The following GRM8 variants were observed in gnomAD, a reference collection of about 807,000 sequenced individuals.
GRM8 encodes the protein glutamate metabotropic receptor 8, also known as metabotropic glutamate receptor 8.
In GRM8, 47 loss-of-function variants were observed where a neutral mutation model predicts 87.2. The observed-to-expected ratio is 0.54, with a 90% confidence interval of 0.43 to 0.69. The LOEUF (loss-of-function observed/expected upper bound fraction) is 0.69. Ranked by LOEUF, GRM8 falls within the 30% of genes least tolerant of loss-of-function variation. The pLI is 0.00. For missense variants in GRM8, 1,019 were observed against 1,139.2 expected (o/e 0.89, Z 1.52); for synonymous variants, 396 against 404.5 (o/e 0.98, Z 0.25).
intron 2 of GRM8, among the ~76,000 whole-genome samples, chr7:127,190,634 G>A (rs890997834): frequency 2.6e-5 from 4 of 151,892 alleles, no homozygotes; most frequent in African/African-American, 9.7e-5. Flanking sequence ...GGAGAATTAA[G>A]ACCAGTGATG....
chr7:126,534,350 G>A (rs1815342393), intron 8 of GRM8, among the ~76,000 whole-genome samples: 1 of 152,164 alleles, frequency 6.6e-6, no homozygotes, highest in South Asian at 2.1e-4. Context: ...AAATCACACT[G>A]CATCAATTTT....
intron 3 of GRM8, among the ~76,000 whole-genome samples, chr7:126,940,221 A>G (rs1397365809): frequency 1.3e-5 from 2 of 152,198 alleles, no homozygotes; most frequent in Non-Finnish European, 2.9e-5. Context: ...GGCAGAAGCT[A>G]TTTAGCATGG....
chr7:127,035,822 T>C (rs1047073567), intron 3 of GRM8, among the ~76,000 whole-genome samples: 1 of 152,180 alleles, frequency 6.6e-6, no homozygotes, highest in Non-Finnish European at 1.5e-5. Context: ...ATCCCCATAC[T>C]GCTTCCCTCT....
At chr7:126,755,158 G>C (rs1030267407) in intron 7 of GRM8, among the ~76,000 whole-genome samples, 1 of 151,992 alleles carries the variant, frequency 6.6e-6, no homozygotes, top group Non-Finnish European at 1.5e-5. Flanking sequence ...AACAATATCT[G>C]ATAGTTTGTG....
intron 2 of GRM8, among the ~76,000 whole-genome samples, chr7:127,161,616 A>G (rs1256652912): frequency 6.6e-6 from 1 of 151,614 alleles, no homozygotes; most frequent in African/African-American, 2.4e-5. Flanking sequence ...CAAAAGACTT[A>G]TTCCAAACAT....
At chr7:126,446,437 C>CCA in intron 9 of GRM8, 65 bp from the exon 10 acceptor site, 1 of 1,085,520 alleles carries the variant, frequency 9.2e-7, no homozygotes, top group African/African-American at 1.6e-5. Context: ...AAGCAAATAA[C>CCA]ATACTATTTT....
intron 9 of GRM8, among the ~76,000 whole-genome samples, chr7:126,461,650 G>A (rs896885163): frequency 9.3e-5 from 14 of 151,326 alleles, no homozygotes; most frequent in South Asian, 4.2e-4. Flanking sequence ...CCTTGTTCCC[G>A]TATCTGCCAT....
intron 7 of GRM8, among the ~76,000 whole-genome samples, chr7:126,723,925 A>AGGCAGCACCTATGCATATGATAT (rs1812696164): frequency 6.6e-6 from 1 of 152,172 alleles, no homozygotes; most frequent in South Asian, 2.1e-4. Flanking sequence ...ATTTTAGTAA[A>AGGCAGCACCTATGCATATGATAT]GGCAGCACCT....
intron 8 of GRM8, among the ~76,000 whole-genome samples, chr7:126,537,448 C>T (rs1815925206): frequency 6.6e-6 from 1 of 152,156 alleles, no homozygotes; most frequent in Non-Finnish European, 1.5e-5. Flanking sequence ...AGACTAACAA[C>T]TTATTTTACA....
At chr7:126,617,731 T>G (rs1318927548) in intron 7 of GRM8, among the ~76,000 whole-genome samples, 2 of 152,012 alleles carry the variant, frequency 1.3e-5, no homozygotes, top group African/African-American at 2.4e-5. Context: ...TATACACCAA[T>G]AACAGACAAA....
At chr7:126,700,836 C>T (rs1261103979) in intron 7 of GRM8, among the ~76,000 whole-genome samples, 1 of 152,120 alleles carries the variant, frequency 6.6e-6, no homozygotes, top group African/African-American at 2.4e-5. Flanking sequence ...CAACAGAGGA[C>T]ATAATTTTGT....
chr7:126,596,914 C>G (rs1232035742), intron 8 of GRM8, among the ~76,000 whole-genome samples: 1 of 152,078 alleles, frequency 6.6e-6, no homozygotes, highest in African/African-American at 2.4e-5. Flanking sequence ...GCAAATGTAT[C>G]TGCAATTATC....
Position 126,847,186 on chromosome 7 carries a change from G to T in GRM8, c.1156+55356C>A, listed in dbSNP as rs970744282. Among the ~76,000 whole-genome samples the T allele has an allele frequency of 1.1e-4, 17 of 152,250 alleles. No homozygotes were observed. The East Asian group carries it at 3.3e-3, about 29-fold the overall frequency. On this transcript the variant is annotated intron_variant, in intron 6 of 10. Transcript: ENST00000339582. ...CATTTTCTATGCAACACAAGTAAGA[G>T]ACTAGAATGAGGTAAAAGGCAACTG...
At chr7:126,635,804 C>A (rs6946642) in intron 7 of GRM8, among the ~76,000 whole-genome samples, 46,769 of 151,882 alleles carry the variant, frequency 0.31, 8,074 homozygotes, top group East Asian at 0.43. Context: ...CACAGACACA[C>A]TTGTTAAAGG....
At chr7:126,960,263 A>G (rs947109834) in intron 3 of GRM8, among the ~76,000 whole-genome samples, 3 of 152,234 alleles carry the variant, frequency 2.0e-5, no homozygotes, top group Non-Finnish European at 4.4e-5. Flanking sequence ...CACAATTAGC[A>G]TAAGTCTGTA....
intron 6 of GRM8, among the ~76,000 whole-genome samples, chr7:126,875,468 A>C (rs1799454904): frequency 6.6e-6 from 1 of 152,166 alleles, no homozygotes; most frequent in African/African-American, 2.4e-5. Flanking sequence ...TGGGATAAAT[A>C]CTGAAAATCT....
intron 6 of GRM8, among the ~76,000 whole-genome samples, chr7:126,866,753 G>C (rs1362919588): frequency 6.6e-6 from 1 of 151,572 alleles, no homozygotes; most frequent in Non-Finnish European, 1.5e-5. Context: ...CACCATGCCT[G>C]GCTAATTTTT....
chr7:126,539,128 G>A (rs554974463), intron 8 of GRM8, among the ~76,000 whole-genome samples: 14 of 151,726 alleles, frequency 9.2e-5, no homozygotes, highest in African/African-American at 1.9e-4. Flanking sequence ...TTAAAAGTGC[G>A]AAGACTTCTC....
intron 7 of GRM8, among the ~76,000 whole-genome samples, chr7:126,651,369 C>T (rs528717258): frequency 6.6e-6 from 1 of 152,306 alleles, no homozygotes; most frequent in African/African-American, 2.4e-5. Flanking sequence ...GGTGACAATA[C>T]TTTGCAGGGC....
Sources: allele counts gnomAD v4.1 joint callset (sites outside exome capture counted in the v4.1 genomes callset), GRCh38; gene constraint gnomAD v4.1.1; transcripts MANE v1.5; gene names NCBI Gene and HGNC (gene_info 2026-07-23, HGNC 2026-07-21).